FHIT: variants seen among roughly 807,000 people sequenced by gnomAD.
FHIT encodes the protein fragile histidine triad diadenosine triphosphatase.
In FHIT, 19 loss-of-function variants were observed where a neutral mutation model predicts 17.9. The ratio of observed to expected loss-of-function variants is 1.06; its 90% CI spans 0.74 to 1.56. FHIT has a LOEUF of 1.56. Among genes scored for constraint, FHIT ranks in the 40% most tolerant of loss-of-function variants. FHIT has a pLI of 0.00. For synonymous variants in FHIT, 81 were observed against 69.7 expected (o/e 1.16, Z -0.81); for missense variants, 248 against 189.2 (o/e 1.31, Z -1.82).
chr3:61,035,411 C>CA (rs1016526353), intron 3 of FHIT, among the ~76,000 whole-genome samples: 9 of 152,012 alleles, frequency 5.9e-5, no homozygotes, highest in Non-Finnish European at 1.3e-4. Context: ...ACTTCTCCTC[C>CA]AAAAAAATTA....
intron 7 of FHIT, among the ~76,000 whole-genome samples, chr3:60,006,917 T>C (rs1466032098): frequency 1.3e-5 from 2 of 152,212 alleles, no homozygotes; most frequent in Admixed American, 6.5e-5. Context: ...CATTTAATTT[T>C]TGAATTATAC....
At chr3:59,856,321 AT>A (rs920887483) in intron 8 of FHIT, among the ~76,000 whole-genome samples, 5 of 152,044 alleles carry the variant, frequency 3.3e-5, no homozygotes, top group Admixed American at 1.3e-4. Context: ...AATTGTTAAA[AT>A]TTTTTTTGCA....
At chr3:60,889,694 T>G (rs1230041890) in intron 3 of FHIT, among the ~76,000 whole-genome samples, 2 of 152,138 alleles carry the variant, frequency 1.3e-5, no homozygotes, top group Non-Finnish European at 2.9e-5. Context: ...TTTTAAAAAT[T>G]GTATATGCAG....
At chr3:60,725,594 C>T (rs1311971842) in intron 4 of FHIT, among the ~76,000 whole-genome samples, 19 of 152,080 alleles carry the variant, frequency 1.2e-4, no homozygotes, top group Admixed American at 1.2e-3. Context: ...TAACAGGTAC[C>T]AAAACACAGA....
chr3:60,731,918 T>C (rs1553711360), intron 4 of FHIT, among the ~76,000 whole-genome samples: 1 of 152,198 alleles, frequency 6.6e-6, no homozygotes, highest in African/African-American at 2.4e-5. Context: ...CTACCTACTG[T>C]AACAATTACA....
In FHIT at chr3:60,500,771, T is replaced by TAAAAAAAAAAA. The variant is rs71092606; in HGVS notation, c.103+36078_103+36088dup. On this transcript the variant is annotated intron_variant, in intron 5 of 9. Coordinates refer to ENST00000492590, the MANE Select transcript of FHIT (RefSeq NM_002012.4). ...CTGGGTGACAGAGTGAGCATCCATC[T>TAAAAAAAAAAA]AAAAAAAAAAAAAAAAAAAAAAAAA... Among the ~76,000 whole-genome samples the TAAAAAAAAAAA allele has an allele frequency of 3.4e-3, 221 of 64,850 alleles. 4 individuals carry two copies. Among genetic ancestry groups the TAAAAAAAAAAA allele is most frequent in the Admixed American group, 7.3e-3 (32 of 4,362 alleles). 42.5% of individuals were successfully genotyped at this position (64,850 alleles called of 152,430 possible). A position where few individuals can be genotyped will look rare whatever the true frequency, so the allele number is the denominator to read the frequency against.
At chr3:60,821,572 A>G (rs1235911996) in intron 4 of FHIT, among the ~76,000 whole-genome samples, 2 of 152,220 alleles carry the variant, frequency 1.3e-5, no homozygotes, top group African/African-American at 4.8e-5. Flanking sequence ...CGTAAAAATT[A>G]TTAAATATGT....
chr3:60,597,179 T>G (rs942629045), intron 4 of FHIT, among the ~76,000 whole-genome samples: 2 of 152,084 alleles, frequency 1.3e-5, no homozygotes, highest in Non-Finnish European at 2.9e-5. Context: ...CAGAAAATAA[T>G]TAAGTCAAAC....
At chr3:60,627,532 G>C (rs1420331502) in intron 4 of FHIT, among the ~76,000 whole-genome samples, 10 of 152,068 alleles carry the variant, frequency 6.6e-5, no homozygotes, top group Admixed American at 4.6e-4. Flanking sequence ...TTGAGATGGA[G>C]TCTCGCTCTG....
chr3:60,221,488 T>C (rs779246960), intron 5 of FHIT, among the ~76,000 whole-genome samples: 3 of 152,130 alleles, frequency 2.0e-5, no homozygotes, highest in Non-Finnish European at 4.4e-5. Context: ...AAATATCAGA[T>C]CGTATCACAT....
intron 5 of FHIT, among the ~76,000 whole-genome samples, chr3:60,046,676 C>G (rs888719020): frequency 6.6e-6 from 1 of 152,142 alleles, no homozygotes; most frequent in Non-Finnish European, 1.5e-5. Context: ...ATGAGAAAGA[C>G]AAGAAATCAC....
chr3:60,258,097 CA>C lies in FHIT; in HGVS notation c.104-243946del, dbSNP rs1195259390. 3.6e-3 allele frequency among the ~76,000 whole-genome samples: 535 copies of C among 148,590 alleles called. 11 individuals carry two copies. The highest frequency in any genetic ancestry group is 2.2e-3 in the Non-Finnish European group (148 of 66,630). ...ACACACACACACACACACACACACA[CA>C]CACCTCTGCAGATTTTGTACACACT... On this transcript the variant is annotated intron_variant, in intron 5 of 9. Coordinates refer to ENST00000492590, the MANE Select transcript of FHIT (RefSeq NM_002012.4).
chr3:59,908,526 C>A (rs1271350504), intron 8 of FHIT, among the ~76,000 whole-genome samples: 1 of 152,146 alleles, frequency 6.6e-6, no homozygotes, highest in Non-Finnish European at 1.5e-5. Context: ...TGATGGCATT[C>A]CTTACGGGTA....
At chr3:60,239,418 G>C (rs183688344) in intron 5 of FHIT, among the ~76,000 whole-genome samples, 1 of 152,144 alleles carries the variant, frequency 6.6e-6, no homozygotes, top group Admixed American at 6.5e-5. Flanking sequence ...TAAAAAACTT[G>C]GCTGGGCATG....
chr3:60,050,830 C>T (rs1701842271), intron 5 of FHIT, among the ~76,000 whole-genome samples: 1 of 152,156 alleles, frequency 6.6e-6, no homozygotes. Flanking sequence ...AAATACGCCC[C>T]TTAGCAAGTG....
At chr3:59,872,253 G>T (rs1436752438) in intron 8 of FHIT, among the ~76,000 whole-genome samples, 5 of 152,138 alleles carry the variant, frequency 3.3e-5, no homozygotes, top group Admixed American at 1.3e-4. Context: ...ATCACCTCAT[G>T]ATTAGCAGAT....
chr3:59,997,349 G>C (rs1699555798), intron 7 of FHIT, among the ~76,000 whole-genome samples: 1 of 152,152 alleles, frequency 6.6e-6, no homozygotes, highest in Non-Finnish European at 1.5e-5. Context: ...AAGTCTGAAA[G>C]AGGACCACAA....
intron 8 of FHIT, among the ~76,000 whole-genome samples, chr3:59,807,400 C>T (rs1319426552): frequency 6.6e-6 from 1 of 152,180 alleles, no homozygotes; most frequent in Non-Finnish European, 1.5e-5. Context: ...GGGGTGTCAT[C>T]AGCAAGAATA....
At chr3:60,235,416 G>A (rs1704731194) in intron 5 of FHIT, among the ~76,000 whole-genome samples, 1 of 151,958 alleles carries the variant, frequency 6.6e-6, no homozygotes, top group Non-Finnish European at 1.5e-5. Flanking sequence ...TTTTTTAGTA[G>A]AGGCAGGGTT....
Sources: gnomAD v4.1 joint callset for allele counts (sites outside exome capture counted in the v4.1 genomes callset) on GRCh38, gnomAD v4.1.1 for gene constraint, MANE v1.5 for transcripts, NCBI Gene and HGNC (gene_info 2026-07-23, HGNC 2026-07-21) for gene names.